Variants in CYP19A1 observed in about 807,000 individuals in gnomAD.
CYP19A1 encodes aromatase.
A neutral mutation model predicts 44.4 loss-of-function variants in CYP19A1; 32 were observed. The ratio of observed to expected loss-of-function variants is 0.72; its 90% confidence interval spans 0.54 to 0.97. The LOEUF is 0.97. Among genes scored for constraint, CYP19A1 ranks in the 50% least tolerant of loss-of-function variants. The pLI is 0.00. For synonymous variants in CYP19A1, 212 were observed against 215.6 expected (o/e 0.98, Z 0.14); for missense variants, 598 against 637.8 (o/e 0.94, Z 0.67).
chr15:51,227,782 T>C lies in CYP19A1; in HGVS notation c.448A>G (p.Lys150Glu), dbSNP rs750596718. 6 of 1,480,794 alleles carry C rather than the reference T, an allele frequency of 4.1e-6. No homozygotes were observed. Among genetic ancestry groups the C allele is most frequent in the Middle Eastern group, 1.7e-4 (1 of 5,824 alleles). 91.7% of individuals were successfully genotyped at this position (1,480,794 alleles called of 1,614,324 possible). Reference sequence around the variant, plus strand: ...AGCTAACTAAGTACCTGCTTACCTTTCATAAAGAAGGGTCGAGTTGTTTTC... The same window carrying C: ...AGCTAACTAAGTACCTGCTTACCTTCCATAAAGAAGGGTCGAGTTGTTTTC... ...LWKTTRPFFM[K>E]ALSGPGLVRM... is the part of the protein sequence containing the mutation. The change falls in exon 4 of 10, where the codon AAA becomes GAA. Residue 150 changes from lysine to glutamate, a missense_variant. Physicochemically the swap from Lys to Glu is moderately conservative, Grantham distance 56. Coordinates refer to ENST00000396402, the MANE Select transcript of CYP19A1 (RefSeq NM_000103.4).
At chr15:51,253,200 G>T (rs1033189598) in intron 1 of CYP19A1, among the ~76,000 whole-genome samples, 1 of 152,170 alleles carries the variant, frequency 6.6e-6, no homozygotes, top group African/African-American at 2.4e-5. Flanking sequence ...CTAGGAGGAA[G>T]AAACGAGATA....
chr15:51,282,827 C>A (rs2035571292), intron 1 of CYP19A1, among the ~76,000 whole-genome samples: 1 of 152,142 alleles, frequency 6.6e-6, no homozygotes, highest in Admixed American at 6.5e-5. Context: ...CTCGGAAGAA[C>A]CAGGGTAACA....
intron 1 of CYP19A1, chr15:51,318,817 G>A (rs2036476203): frequency 1.3e-5 from 2 of 152,206 alleles, no homozygotes; most frequent in African/African-American, 4.8e-5. Context: ...CATTAGAACA[G>A]AATCTTCTCT....
At chr15:51,219,950 G>C (rs1157255896) in intron 5 of CYP19A1, among the ~76,000 whole-genome samples, 1 of 152,146 alleles carries the variant, frequency 6.6e-6, no homozygotes, top group Non-Finnish European at 1.5e-5. Context: ...GTGATTGTGG[G>C]CTCCCATCCA....
chr15:51,328,549 T>TGC lies in CYP19A1; in HGVS notation c.-39+9945_-39+9946insGC, dbSNP rs1183614050. The stretch of plus-strand genomic sequence containing the variant: ...GGAATCCTGAGTTACAGGGCAGGGG[T>TGC]GTGTGTGTGTGTGTGTGTGTGTGTG... On this transcript the variant is annotated intron_variant, in intron 1 of 9. Transcript: ENST00000396402. 7.2e-4 allele frequency among the ~76,000 whole-genome samples: 25 copies of TGC among 34,488 alleles called. No individual in the cohort carries two copies. The African/African-American group carries it at 0.012, about 16-fold the overall frequency. 22.6% of individuals were successfully genotyped at this position (34,488 alleles called of 152,430 possible). A position where few individuals can be genotyped will look rare whatever the true frequency, so the allele number is the denominator to read the frequency against.
chr15:51,320,958 A>T (rs1025778238), intron 1 of CYP19A1: 1 of 152,248 alleles, frequency 6.6e-6, no homozygotes, highest in African/African-American at 2.4e-5. Context: ...GCACATCTCA[A>T]TTCAGACCAG....
intron 2 of CYP19A1, among the ~76,000 whole-genome samples, chr15:51,238,194 G>A (rs2033529081): frequency 6.6e-6 from 1 of 152,132 alleles, no homozygotes; most frequent in African/African-American, 2.4e-5. Flanking sequence ...TATGGTCTAA[G>A]GTTATTAATC....
At chr15:51,307,741 C>T (rs1023970512) in intron 1 of CYP19A1, among the ~76,000 whole-genome samples, 1 of 152,124 alleles carries the variant, frequency 6.6e-6, no homozygotes, top group Admixed American at 6.5e-5. Flanking sequence ...AAGAGGAGCA[C>T]CCTGAGAAAT....
chr15:51,324,416 C>T (rs897577505), intron 1 of CYP19A1, among the ~76,000 whole-genome samples: 4 of 152,120 alleles, frequency 2.6e-5, no homozygotes, highest in Non-Finnish European at 4.4e-5. Flanking sequence ...AAAACAAAGC[C>T]GATTTATAGG....
chr15:51,328,535 T>C (rs2036648282), intron 1 of CYP19A1, among the ~76,000 whole-genome samples: 1 of 149,426 alleles, frequency 6.7e-6, no homozygotes, highest in Non-Finnish European at 1.5e-5. Context: ...GAATCCTGAG[T>C]TACAGGGCAG....
chr15:51,306,962 G>GTACCA (rs60210794), intron 1 of CYP19A1, among the ~76,000 whole-genome samples: 6,404 of 152,260 alleles, frequency 0.042, 340 homozygotes, highest in East Asian at 0.14. Context: ...ACATATTGAT[G>GTACCA]ATAATAAGTA....
At chr15:51,217,683 A>G (rs1459382626) in intron 6 of CYP19A1, among the ~76,000 whole-genome samples, 1 of 152,228 alleles carries the variant, frequency 6.6e-6, no homozygotes, top group Non-Finnish European at 1.5e-5. Flanking sequence ...AACACAGGAA[A>G]GGGAGAAACT....
intron 1 of CYP19A1, among the ~76,000 whole-genome samples, chr15:51,292,164 C>G (rs1327432842): frequency 1.3e-5 from 2 of 152,198 alleles, no homozygotes; most frequent in Non-Finnish European, 2.9e-5. Flanking sequence ...TTGGACCACC[C>G]TAGCAATCAA....
chr15:51,333,089 T>C (rs1478206724), intron 1 of CYP19A1, among the ~76,000 whole-genome samples: 4 of 152,226 alleles, frequency 2.6e-5, no homozygotes, highest in South Asian at 4.1e-4. Flanking sequence ...GAAAGTCTTT[T>C]TGTGCTCTAC....
At chr15:51,333,651 G>T (rs28757071) in intron 1 of CYP19A1, among the ~76,000 whole-genome samples, 63 of 152,296 alleles carry the variant, frequency 4.1e-4, no homozygotes, top group Admixed American at 3.3e-4. Context: ...GAGATCATAC[G>T]TGGTTTCCAT....
intron 1 of CYP19A1, among the ~76,000 whole-genome samples, chr15:51,245,087 C>A (rs1228299311): frequency 6.6e-6 from 1 of 152,188 alleles, no homozygotes; most frequent in Non-Finnish European, 1.5e-5. Context: ...GCTTTGACAA[C>A]AAATTTTAAA....
chr15:51,250,129 A>T (rs1474531084), intron 1 of CYP19A1, among the ~76,000 whole-genome samples: 1 of 152,138 alleles, frequency 6.6e-6, no homozygotes, highest in African/African-American at 2.4e-5. Context: ...CCCTGAAGGC[A>T]CCAATGGGAG....
intron 1 of CYP19A1, among the ~76,000 whole-genome samples, chr15:51,325,995 C>T (rs970391769): frequency 6.6e-6 from 1 of 152,048 alleles, no homozygotes; most frequent in Non-Finnish European, 1.5e-5. Flanking sequence ...TGTTGAATAG[C>T]TCTTGTTATT....
chr15:51,224,781 G>C (rs1452077083), intron 4 of CYP19A1, among the ~76,000 whole-genome samples: 2 of 152,130 alleles, frequency 1.3e-5, no homozygotes, highest in Non-Finnish European at 2.9e-5. Context: ...TCAATTCCTT[G>C]CCTTAACTGA....
Sources: allele counts gnomAD v4.1 joint callset (sites outside exome capture counted in the v4.1 genomes callset), GRCh38; gene constraint gnomAD v4.1.1; transcripts MANE v1.5; gene names NCBI Gene and HGNC (gene_info 2026-07-23, HGNC 2026-07-21).